Variants in CLYBL observed in about 807,000 individuals in gnomAD.
CLYBL encodes citramalyl-CoA lyase, also known as citramalyl-CoA lyase, mitochondrial.
Under a neutral mutation model 38.9 loss-of-function variants are expected in CLYBL, and 31 were observed. The ratio of observed to expected loss-of-function variants is 0.80; its 90% confidence interval spans 0.60 to 1.08. The LOEUF (loss-of-function observed/expected upper bound fraction) is 1.08, where lower values mean the gene tolerates loss of function less well. Among genes scored for constraint, CLYBL ranks in the 50% least tolerant of loss-of-function variants. The probability of loss-of-function intolerance (pLI) is 0.00; values close to 1 mark genes in which losing one functional copy is unlikely to be tolerated. For synonymous variants in CLYBL, 171 were observed against 158.6 expected (o/e 1.08, Z -0.59); for missense variants, 434 against 411.6 (o/e 1.05, Z -0.47).
intron 2 of CLYBL, among the ~76,000 whole-genome samples, chr13:99,801,734 C>T (rs531462187): frequency 2.6e-5 from 4 of 152,046 alleles, no homozygotes; most frequent in South Asian, 2.1e-4. Flanking sequence ...TAAGAAAACA[C>T]GGCCGGGTGC....
At chr13:99,884,584 ACTGT>A (rs1338877145) in intron 7 of CLYBL, among the ~76,000 whole-genome samples, 6 of 152,218 alleles carry the variant, frequency 3.9e-5, no homozygotes, top group Admixed American at 1.3e-4. Context: ...CATTTCTATC[ACTGT>A]CTATTTAATG....
At chr13:99,624,925 TTC>T (rs748053934) in intron 1 of CLYBL, among the ~76,000 whole-genome samples, 1 of 152,208 alleles carries the variant, frequency 6.6e-6, no homozygotes, top group Non-Finnish European at 1.5e-5. Flanking sequence ...TTGAAATTCT[TTC>T]TGTTTTTGGT....
intron 2 of CLYBL, among the ~76,000 whole-genome samples, chr13:99,826,222 T>A (rs2050692983): frequency 6.6e-6 from 1 of 152,214 alleles, no homozygotes; most frequent in African/African-American, 2.4e-5. Flanking sequence ...GATTTATGTA[T>A]AGGTGGTTGC....
chr13:99,871,990 C>CAAAAA (rs113487766), intron 7 of CLYBL, among the ~76,000 whole-genome samples: 5 of 119,396 alleles, frequency 4.2e-5, no homozygotes, highest in Admixed American at 1.6e-4. Context: ...TTCCCCCCTG[C>CAAAAA]AAAAAAAAAA....
chr13:99,688,857 A>C (rs1205422685), intron 1 of CLYBL, among the ~76,000 whole-genome samples: 1 of 152,214 alleles, frequency 6.6e-6, no homozygotes, highest in Non-Finnish European at 1.5e-5. Flanking sequence ...GCTAAGCTAC[A>C]TTATTCTGAA....
At chr13:99,660,044 T>C (rs1390912864) in intron 1 of CLYBL, among the ~76,000 whole-genome samples, 1 of 152,152 alleles carries the variant, frequency 6.6e-6, no homozygotes, top group Non-Finnish European at 1.5e-5. Context: ...TTTTCAGGTG[T>C]TTGAGCTTCT....
intron 1 of CLYBL, among the ~76,000 whole-genome samples, chr13:99,730,218 G>C (rs2048563492): frequency 6.6e-6 from 1 of 152,246 alleles, no homozygotes; most frequent in African/African-American, 2.4e-5. Context: ...TGGTTAGGCA[G>C]CTGAGGCCTC....
chr13:99,814,923 C>G (rs1259327234), intron 2 of CLYBL, among the ~76,000 whole-genome samples: 1 of 151,914 alleles, frequency 6.6e-6, no homozygotes, highest in Non-Finnish European at 1.5e-5. Flanking sequence ...CCCAGCTGCT[C>G]AGGAAGCTGA....
rs57354711 is a variant in CLYBL, at chr13:99,659,216, G to GTA, written c.62+52471_62+52472dup. Among the ~76,000 whole-genome samples the GTA allele has an allele frequency of 6.0e-4, 89 of 148,818 alleles. 1 individual carries two copies. Among genetic ancestry groups the GTA allele is most frequent in the African/African-American group, 1.8e-3 (70 of 39,098 alleles). ...TCCTCTAAGCTATGTGTGTGTGTGT[G>GTA]TATATATATATATGTATATATATGC... On this transcript the variant is annotated intron_variant, in intron 1 of 8. Transcript: ENST00000339105.
At chr13:99,824,405 C>T (rs908108866) in intron 2 of CLYBL, among the ~76,000 whole-genome samples, 2 of 152,076 alleles carry the variant, frequency 1.3e-5, no homozygotes, top group Non-Finnish European at 2.9e-5. Flanking sequence ...GTATTTCTCT[C>T]CCCACTTTTG....
rs1199417073 is a variant in CLYBL at position 99,698,450 on chromosome 13, A to C, written c.63-74374A>C. On this transcript the variant is annotated intron_variant, in intron 1 of 8. Transcript: ENST00000339105. ...TCCCCATCAGAATTACGTTCAAGCT[A>C]TAAGTAGTTATGCAAAGTCGTAGGT... Among the ~76,000 whole-genome samples the C allele has an allele frequency of 2.0e-5, 3 of 152,066 alleles. No homozygotes were observed. The South Asian group carries it at 6.2e-4, about 32-fold the overall frequency.
chr13:99,797,901 C>A (rs1435724732), intron 2 of CLYBL, among the ~76,000 whole-genome samples: 1 of 152,136 alleles, frequency 6.6e-6, no homozygotes, highest in Non-Finnish European at 1.5e-5. Flanking sequence ...AGCAATGGAG[C>A]CTGATTAGCA....
chr13:99,730,910 C>G (rs2048578055), intron 1 of CLYBL, among the ~76,000 whole-genome samples: 1 of 151,760 alleles, frequency 6.6e-6, no homozygotes, highest in South Asian at 2.1e-4. Flanking sequence ...TGGTGAAACC[C>G]CTTCTCTACT....
At chr13:99,901,007 C>T (rs924307599), downstream of CLYBL, among the ~76,000 whole-genome samples, 3 of 152,236 alleles carry the variant, frequency 2.0e-5, no homozygotes, top group Non-Finnish European at 2.9e-5. Context: ...CAACATGCCC[C>T]TGCACATTTT....
At chr13:99,694,991 C>G (rs2047957907) in intron 1 of CLYBL, among the ~76,000 whole-genome samples, 1 of 152,176 alleles carries the variant, frequency 6.6e-6, no homozygotes, top group Non-Finnish European at 1.5e-5. Context: ...CTCAACAGAC[C>G]TCAGCATGTT....
intron 2 of CLYBL, among the ~76,000 whole-genome samples, chr13:99,832,108 A>G (rs1196121004): frequency 6.6e-6 from 1 of 152,136 alleles, no homozygotes; most frequent in African/African-American, 2.4e-5. Flanking sequence ...GCAATATTGG[A>G]TGTATTTATT....
At chr13:99,866,783 A>G (rs1421097207) in intron 6 of CLYBL, among the ~76,000 whole-genome samples, 1 of 151,976 alleles carries the variant, frequency 6.6e-6, no homozygotes, top group Non-Finnish European at 1.5e-5. Context: ...CTCCTAGAAT[A>G]TCCAAAATTT....
At chr13:99,759,910 A>G (rs1173937796) in intron 1 of CLYBL, among the ~76,000 whole-genome samples, 1 of 152,200 alleles carries the variant, frequency 6.6e-6, no homozygotes, top group Non-Finnish European at 1.5e-5. Flanking sequence ...AGCTTAATAC[A>G]TTCCACTATT....
rs189441005 is a variant in CLYBL at position 99,872,101 on chromosome 13, G to A, written c.927+1039G>A. ...CTTTTCACTGGCAGCAAGGACACCT[G>A]AAAATCCCAGGACTTGCCAAAGTGG... On this transcript the variant is annotated intron_variant, in intron 7 of 8. Transcript: ENST00000339105. 3.0e-3 allele frequency among the ~76,000 whole-genome samples: 457 copies of A among 152,152 alleles called. 1 individual carries two copies. Among genetic ancestry groups the A allele is most frequent in the South Asian group, 0.021 (102 of 4,808 alleles).
Sources: gnomAD v4.1 joint callset for allele counts (sites outside exome capture counted in the v4.1 genomes callset) on GRCh38, gnomAD v4.1.1 for gene constraint, MANE v1.5 for transcripts, NCBI Gene and HGNC (gene_info 2026-07-23, HGNC 2026-07-21) for gene names.